Variants in AKAP6 observed in about 807,000 individuals in gnomAD.
AKAP6 encodes A-kinase anchor protein 6.
Under a neutral mutation model 188.5 loss-of-function variants are expected in AKAP6, and 58 were observed. That is an observed-to-expected ratio of 0.31 (90% CI 0.25 to 0.38). The LOEUF is 0.38. AKAP6 is among the 10% of genes least tolerant of loss of function. AKAP6 has a pLI of 1.00. For missense variants in AKAP6, 2,710 were observed against 2,740.0 expected (o/e 0.99, Z 0.24); for synonymous variants, 989 against 998.6 (o/e 0.99, Z 0.18).
intron 1 of AKAP6, among the ~76,000 whole-genome samples, chr14:32,403,889 A>T (rs542876881): frequency 6.6e-6 from 1 of 152,286 alleles, no homozygotes; most frequent in South Asian, 2.1e-4. Flanking sequence ...GAGTCATCAC[A>T]TTGAGGTCAG....
chr14:32,652,562 C>A (rs1263547237), intron 7 of AKAP6, among the ~76,000 whole-genome samples: 1 of 152,170 alleles, frequency 6.6e-6, no homozygotes, highest in African/African-American at 2.4e-5. Flanking sequence ...ATAATCATAT[C>A]AGATTAAATC....
chr14:32,747,503 C>T (rs74789166), intron 11 of AKAP6, among the ~76,000 whole-genome samples: 2,299 of 152,236 alleles, frequency 0.015, 52 homozygotes, highest in African/African-American at 0.052. Context: ...ATATTAACCA[C>T]GTATATCCAT....
intron 1 of AKAP6, among the ~76,000 whole-genome samples, chr14:32,432,214 A>G (rs1235684932): frequency 2.0e-5 from 3 of 152,194 alleles, no homozygotes; most frequent in Admixed American, 6.6e-5. Flanking sequence ...AAAAAAAAGT[A>G]TAAAAGAAAA....
At chr14:32,689,308 A>C (rs1306516456) in intron 8 of AKAP6, among the ~76,000 whole-genome samples, 1 of 152,146 alleles carries the variant, frequency 6.6e-6, no homozygotes, top group Non-Finnish European at 1.5e-5. Context: ...TAGAATTTTT[A>C]ATGGATTATC....
At chr14:32,504,467 G>C (rs781671535) in intron 2 of AKAP6, among the ~76,000 whole-genome samples, 2 of 152,014 alleles carry the variant, frequency 1.3e-5, no homozygotes, top group Non-Finnish European at 2.9e-5. Flanking sequence ...TTTTAGTAGA[G>C]ACAGGTTTCG....
intron 11 of AKAP6, among the ~76,000 whole-genome samples, chr14:32,759,104 A>T (rs1447890675): frequency 6.6e-6 from 1 of 152,250 alleles, no homozygotes; most frequent in Non-Finnish European, 1.5e-5. Flanking sequence ...CTGGGAAAAA[A>T]AATGGCCTAA....
chr14:32,477,393 G>A (rs1330331038), intron 2 of AKAP6, among the ~76,000 whole-genome samples: 1 of 152,146 alleles, frequency 6.6e-6, no homozygotes, highest in Non-Finnish European at 1.5e-5. Flanking sequence ...GCCTGGCGGT[G>A]TTGAAGGGGT....
chr14:32,379,318 A>ATT (rs992481577), intron 1 of AKAP6, among the ~76,000 whole-genome samples: 11 of 151,980 alleles, frequency 7.2e-5, no homozygotes, highest in Non-Finnish European at 1.3e-4. Flanking sequence ...GTAGAAAGCT[A>ATT]TTTTCATTTT....
intron 4 of AKAP6, among the ~76,000 whole-genome samples, chr14:32,552,485 A>G (rs1247764630): frequency 6.6e-6 from 1 of 152,194 alleles, no homozygotes; most frequent in East Asian, 1.9e-4. Context: ...TAAAATGGAC[A>G]TTAGCTTTGT....
At chr14:32,585,031 A>AT (rs1346733692) in intron 5 of AKAP6, among the ~76,000 whole-genome samples, 4 of 56,430 alleles carry the variant, frequency 7.1e-5, no homozygotes, top group Admixed American at 2.3e-4. Context: ...TTGGGTAACT[A>AT]GTTTTTTTTT....
chr14:32,522,283 T>G (rs916013425), intron 2 of AKAP6, among the ~76,000 whole-genome samples: 7 of 152,172 alleles, frequency 4.6e-5, no homozygotes, highest in African/African-American at 1.4e-4. Context: ...CATGGGCAAG[T>G]ACTTCATGAC....
chr14:32,560,910 G>A (rs891658054), intron 4 of AKAP6, among the ~76,000 whole-genome samples: 2 of 152,116 alleles, frequency 1.3e-5, no homozygotes, highest in Non-Finnish European at 2.9e-5. Flanking sequence ...AGAATGCTAA[G>A]GGGTTTATTC....
rs1437449754 is a variant in AKAP6, at chr14:32,834,531, G to GTGTTTTTT, written c.*4727_*4728insGTTTTTTT. ...ATCACACACTGCTTTTAGTTTCCAA[G>GTGTTTTTT]TCTTTTTTTTTTTTTTTTTTTTTAA... On this transcript the variant is annotated 3_prime_UTR_variant, in exon 14 of 14. Transcript: ENST00000280979. The GTGTTTTTT allele has an allele frequency of 9.9e-5, 9 of 90,552 alleles. 1 individual carries two copies. The highest frequency in any genetic ancestry group is 7.3e-4 in the East Asian group (2 of 2,722). 5.6% of individuals were successfully genotyped at this position (90,552 alleles called of 1,614,324 possible).
intron 7 of AKAP6, among the ~76,000 whole-genome samples, chr14:32,654,891 C>T (rs1201233468): frequency 6.6e-6 from 1 of 151,582 alleles, no homozygotes; most frequent in Non-Finnish European, 1.5e-5. Flanking sequence ...TATTTTTACA[C>T]AATATATAAA....
At chr14:32,731,061 C>CT (rs1335706091) in intron 9 of AKAP6, among the ~76,000 whole-genome samples, 2 of 152,260 alleles carry the variant, frequency 1.3e-5, no homozygotes, top group Non-Finnish European at 1.5e-5. Context: ...TTTGGATACT[C>CT]TGACACCCTG....
intron 12 of AKAP6, among the ~76,000 whole-genome samples, chr14:32,817,178 A>C (rs2034400288): frequency 6.6e-6 from 1 of 152,126 alleles, no homozygotes; most frequent in Non-Finnish European, 1.5e-5. Flanking sequence ...TTTAAGCTAA[A>C]ATTGTAAGAA....
intron 2 of AKAP6, among the ~76,000 whole-genome samples, chr14:32,459,284 G>T (rs1891245325): frequency 7.2e-6 from 1 of 139,714 alleles, no homozygotes; most frequent in Non-Finnish European, 1.7e-5. Context: ...ACTTTTTGGG[G>T]CAATGAAAAT....
In AKAP6 at chr14:32,768,021, C is replaced by T. The variant is rs1043117283; in HGVS notation, c.3373-5657C>T. ...AAGAACAGGTACATTTTATTACATG[C>T]CTCTTATCCACCAACACTAATTCCA... On this transcript the variant is annotated intron_variant, in intron 11 of 13. Transcript: ENST00000280979. Among the ~76,000 whole-genome samples, 168 of 152,268 alleles carry T rather than the reference C, an allele frequency of 1.1e-3. 1 individual carries two copies. The highest frequency in any genetic ancestry group is 3.7e-4 in the Non-Finnish European group (25 of 68,022).
intron 8 of AKAP6, among the ~76,000 whole-genome samples, chr14:32,692,055 A>G (rs1890203126): frequency 2.0e-5 from 3 of 152,354 alleles, no homozygotes; most frequent in African/African-American, 4.8e-5. Context: ...GTACCAATGA[A>G]ACAAAATGTG....
Sources: allele counts gnomAD v4.1 joint callset (sites outside exome capture counted in the v4.1 genomes callset), GRCh38; gene constraint gnomAD v4.1.1; transcripts MANE v1.5; gene names NCBI Gene and HGNC (gene_info 2026-07-23, HGNC 2026-07-21).